NECTIN3: variants seen among roughly 807,000 people sequenced by gnomAD.
NECTIN3 encodes nectin-3.
In NECTIN3, 8 loss-of-function variants were observed where a neutral mutation model predicts 49.4. The ratio of observed to expected loss-of-function variants is 0.16; its 90% CI spans 0.10 to 0.29. The LOEUF is 0.29. Among genes scored for constraint, NECTIN3 ranks in the 10% least tolerant of loss-of-function variants. The pLI, the probability that NECTIN3 is intolerant of heterozygous loss-of-function variation, is 1.00. For missense variants in NECTIN3, 581 were observed against 654.6 expected (o/e 0.89, Z 1.23); for synonymous variants, 277 against 241.1 (o/e 1.15, Z -1.38).
At chr3:111,088,719 C>T (rs756352256) in intron 1 of NECTIN3, among the ~76,000 whole-genome samples, 3 of 152,174 alleles carry the variant, frequency 2.0e-5, no homozygotes, top group East Asian at 1.9e-4. Context: ...TTTATTATAT[C>T]ACTGGATTCT....
rs989437290 is a variant in NECTIN3, at chr3:111,135,344, T to G, written c.*1129T>G. 1.1e-6 allele frequency: 1 copy of G among 943,680 alleles called. No individual in the cohort carries two copies. The highest frequency in any genetic ancestry group is 1.8e-5 in the African/African-American group (1 of 56,154). The allele number at this position is 943,680 out of a possible 1,614,324, so 58.5% of individuals were successfully genotyped here. A position where few individuals can be genotyped will look rare whatever the true frequency, so the allele number is the denominator to read the frequency against. On this transcript the variant is annotated 3_prime_UTR_variant, in exon 6 of 6. Coordinates refer to ENST00000485303, the MANE Select transcript of NECTIN3 (RefSeq NM_015480.3). ...TTCCTCCTAAGTGTATGTATGTGTT[T>G]TAAGATTTCTGTTTTTACGATTAAA...
exon 6 of NECTIN3, chr3:111,144,944 T>G: frequency 6.5e-7 from 1 of 1,536,316 alleles, no homozygotes; most frequent in Non-Finnish European, 8.7e-7. Flanking sequence ...GCTGGAGCGG[T>G]AATTGGAGCT....
chr3:111,092,478 G>A (rs1272233792), intron 1 of NECTIN3, among the ~76,000 whole-genome samples: 2 of 151,962 alleles, frequency 1.3e-5, no homozygotes, highest in Non-Finnish European at 2.9e-5. Context: ...TTTGTGTATG[G>A]TACAAGGAAA....
chr3:111,079,995 C>T (rs1256521584), intron 1 of NECTIN3, among the ~76,000 whole-genome samples: 1 of 151,880 alleles, frequency 6.6e-6, no homozygotes, highest in African/African-American at 2.4e-5. Context: ...TTGTTGTATA[C>T]TAGTACAGTG....
chr3:111,176,468 G>A (rs2035530433), intron 7 of NECTIN3, among the ~76,000 whole-genome samples: 1 of 152,046 alleles, frequency 6.6e-6, no homozygotes, highest in Non-Finnish European at 1.5e-5. Context: ...TCTTTGTGGG[G>A]GGAAATGCCA....
At chr3:111,140,715 C>T (rs1297373523), downstream of NECTIN3, among the ~76,000 whole-genome samples, 2 of 151,738 alleles carry the variant, frequency 1.3e-5, no homozygotes, top group Non-Finnish European at 2.9e-5. Context: ...TCTCATAAAT[C>T]GTGTCACAAG....
chr3:111,118,196 T>C (rs1207647643), intron 2 of NECTIN3, among the ~76,000 whole-genome samples: 1 of 144,598 alleles, frequency 6.9e-6, no homozygotes, highest in Non-Finnish European at 1.5e-5. Context: ...GTCATAATCA[T>C]AACTTATTTT....
chr3:111,086,047 T>G (rs2031903954), intron 1 of NECTIN3, among the ~76,000 whole-genome samples: 1 of 152,170 alleles, frequency 6.6e-6, no homozygotes, highest in Non-Finnish European at 1.5e-5. Context: ...AATTTGTAAT[T>G]CCTTAATGAT....
At chr3:111,128,492 T>G (rs1338296058) in intron 5 of NECTIN3, among the ~76,000 whole-genome samples, 1 of 152,134 alleles carries the variant, frequency 6.6e-6, no homozygotes, top group African/African-American at 2.4e-5. Flanking sequence ...TCATTAACTC[T>G]ATGTAGTAGT....
chr3:111,113,076 A>G (rs890740629), intron 2 of NECTIN3, among the ~76,000 whole-genome samples: 1 of 152,214 alleles, frequency 6.6e-6, no homozygotes, highest in African/African-American at 2.4e-5. Context: ...AGCTACTGGC[A>G]GTGTGGGTAG....
chr3:111,136,633 T>G lies in NECTIN3; in HGVS notation c.*2418T>G. ...ATTAGTTTTTGAATACCAGTGATAT[T>G]CATAACTACTTGACAGGTATATATG... On this transcript the variant is annotated 3_prime_UTR_variant, in exon 6 of 6. Coordinates refer to ENST00000485303, the MANE Select transcript of NECTIN3 (RefSeq NM_015480.3). The G allele has an allele frequency of 1.1e-6, 1 of 908,300 alleles. No individual in the cohort carries two copies. Among genetic ancestry groups the G allele is most frequent in the Non-Finnish European group, 1.3e-6 (1 of 760,018 alleles). The allele number at this position is 908,300 out of a possible 1,614,324, so 56.3% of individuals were successfully genotyped here. A position where few individuals can be genotyped will look rare whatever the true frequency, so the allele number is the denominator to read the frequency against.
rs1296267879 is a variant in NECTIN3, at chr3:111,136,540, A to T, written c.*2325A>T. On this transcript the variant is annotated 3_prime_UTR_variant, in exon 6 of 6. Transcript: ENST00000485303. The stretch of plus-strand genomic sequence containing the variant: ...TTGCACTGTTGTTTATTAGAACTTT[A>T]TGTATATTTACTGTACATAGAGACT... 1.4e-5 allele frequency: 13 copies of T among 961,260 alleles called. No homozygotes were observed. The highest frequency in any genetic ancestry group is 1.8e-5 in the African/African-American group (1 of 56,608). The allele number at this position is 961,260 out of a possible 1,614,324, so 59.5% of individuals were successfully genotyped here.
At chr3:111,147,308 A>G in intron 6 of NECTIN3, 1 of 963,766 alleles carries the variant, frequency 1.0e-6, no homozygotes, top group South Asian at 1.6e-5. Context: ...AATATGAGGA[A>G]AATATTCTCA....
intron 1 of NECTIN3, among the ~76,000 whole-genome samples, chr3:111,095,453 AGCTTCTGTTCAGAAG>A (rs1291071452): frequency 6.6e-6 from 1 of 152,256 alleles, no homozygotes; most frequent in African/African-American, 2.4e-5. Flanking sequence ...ACCTTTGATC[AGCTTCTGTTCAGAAG>A]GCAGAAGAAA....
chr3:111,083,869 T>C (rs1264883095), intron 1 of NECTIN3, among the ~76,000 whole-genome samples: 2 of 152,258 alleles, frequency 1.3e-5, no homozygotes, highest in Non-Finnish European at 2.9e-5. Flanking sequence ...TAGCCTTGTC[T>C]CTGATACTGG....
At chr3:111,147,348 C>CT (rs565492723) in intron 6 of NECTIN3, 71,042 of 961,968 alleles carry the variant, frequency 0.074, 8 homozygotes, top group East Asian at 0.08. Flanking sequence ...TTTTCTTTTG[C>CT]TTTTTTTTTT....
intron 2 of NECTIN3, among the ~76,000 whole-genome samples, chr3:111,113,449 A>C (rs1202859502): frequency 1.3e-5 from 2 of 152,202 alleles, no homozygotes; most frequent in Non-Finnish European, 2.9e-5. Context: ...CCTAATGTTT[A>C]AGGACATAAT....
intron 1 of NECTIN3, among the ~76,000 whole-genome samples, chr3:111,085,425 A>G (rs2031866644): frequency 6.6e-6 from 1 of 152,234 alleles, no homozygotes. Flanking sequence ...TAAAACTTTT[A>G]AAATTGACGT....
In NECTIN3 at chr3:111,136,465, G is replaced by T. The variant is rs2034578961; in HGVS notation, c.*2250G>T. On this transcript the variant is annotated 3_prime_UTR_variant, in exon 6 of 6. Transcript: ENST00000485303. ...ATCCAATCATTTGGCAAACTAAAAG[G>T]TTTCTGTGTTGTAAGAATCTGATAC... 2.0e-6 allele frequency: 2 copies of T among 983,934 alleles called. No individual in the cohort carries two copies. Among genetic ancestry groups the T allele is most frequent in the Admixed American group, 6.2e-5 (1 of 16,116 alleles). 61.0% of individuals were successfully genotyped at this position (983,934 alleles called of 1,614,324 possible).
Sources: gnomAD v4.1 joint callset for allele counts (sites outside exome capture counted in the v4.1 genomes callset) on GRCh38, gnomAD v4.1.1 for gene constraint, MANE v1.5 for transcripts, NCBI Gene and HGNC (gene_info 2026-07-23, HGNC 2026-07-21) for gene names.